Variants in TBX15 observed in about 807,000 individuals in gnomAD.
TBX15 encodes the protein T-box transcription factor 15.
Under a neutral mutation model 53.9 loss-of-function variants are expected in TBX15, and 18 were observed. The observed-to-expected ratio is 0.33, with a 90% CI of 0.23 to 0.49. TBX15 has a LOEUF of 0.49. Among genes scored for constraint, TBX15 ranks in the 20% least tolerant of loss-of-function variants. The probability of loss-of-function intolerance (pLI) is 0.98; values close to 1 mark genes in which losing one functional copy is unlikely to be tolerated. For missense variants in TBX15, 692 were observed against 749.5 expected, an observed-to-expected ratio of 0.92 and a Z score of 0.90; for synonymous variants, 295 against 278.0, an observed-to-expected ratio of 1.06 and a Z score of -0.61.
At chr1:118,926,359 A>T (rs1347571868) in intron 3 of TBX15, 151 bp downstream of exon 3, 1 of 744,378 alleles carries the variant, frequency 1.3e-6, no homozygotes, top group Non-Finnish European at 2.3e-6. Flanking sequence ...CACTTTTTCC[A>T]CCTGGTGCTC....
In TBX15 at chr1:118,923,428, C is replaced by A; in HGVS notation, c.861+8G>T. On this transcript the variant is annotated splice_region_variant and intron_variant, in intron 5 of 7. Transcript: ENST00000369429. ...TGTAGCAGAAGACTCTCAAGGGCCA[C>A]CTCTTACCTGCTGATTCTGATAGGC... 6.2e-7 allele frequency: 1 copy of A among 1,613,768 alleles called. No homozygotes were observed. The highest frequency in any genetic ancestry group is 8.5e-7 in the Non-Finnish European group (1 of 1,179,846).
intron 1 of TBX15, among the ~76,000 whole-genome samples, chr1:118,981,340 A>ACACACACACACACAC (rs60152755): frequency 6.7e-6 from 1 of 149,150 alleles, no homozygotes; most frequent in Non-Finnish European, 1.5e-5. Context: ...ACACACACAC[A>ACACACACACACACAC]ATGGCAGTTT....
intron 1 of TBX15, among the ~76,000 whole-genome samples, chr1:118,958,929 C>T (rs978321119): frequency 1.3e-5 from 2 of 151,694 alleles, no homozygotes; most frequent in South Asian, 2.1e-4. Flanking sequence ...GGTAGAAGAC[C>T]GTGCTTATTG....
chr1:118,951,396 C>T (rs538225274), intron 1 of TBX15, among the ~76,000 whole-genome samples: 1 of 152,274 alleles, frequency 6.6e-6, no homozygotes, highest in South Asian at 2.1e-4. Flanking sequence ...ATAGAGATAA[C>T]CTATGCCACC....
At chr1:118,984,059 T>C (rs897886771) in intron 1 of TBX15, among the ~76,000 whole-genome samples, 2 of 152,286 alleles carry the variant, frequency 1.3e-5, no homozygotes, top group Non-Finnish European at 2.9e-5. Context: ...TTAATTCATG[T>C]GACCACTTGA....
At chr1:118,962,766 G>A (rs796166482) in intron 1 of TBX15, among the ~76,000 whole-genome samples, 12 of 152,288 alleles carry the variant, frequency 7.9e-5, no homozygotes, top group African/African-American at 2.9e-4. Flanking sequence ...CCTTCAGTGG[G>A]AATCTAGAAA....
In TBX15 at chr1:118,981,712, A is replaced by G. The variant is rs556936161; in HGVS notation, c.205+5879T>C. Among the ~76,000 whole-genome samples, 7 of 152,282 alleles carry G rather than the reference A, an allele frequency of 4.6e-5. No homozygotes were observed. The South Asian group carries it at 1.4e-3, about 32-fold the overall frequency. ...TCCCATTTCACAGCGGGTCCTCCCT[A>G]CTAAATCATATTTTCCACCTCTGAC... On this transcript the variant is annotated intron_variant, in intron 1 of 7. Transcript: ENST00000369429.
chr1:118,927,980 G>A (rs762046997), intron 2 of TBX15, among the ~76,000 whole-genome samples: 13 of 152,180 alleles, frequency 8.5e-5, no homozygotes, highest in Non-Finnish European at 1.5e-4. Flanking sequence ...TGCTAATGAG[G>A]TCAAGGTCAC....
At chr1:118,952,378 C>A (rs1656543425) in intron 1 of TBX15, among the ~76,000 whole-genome samples, 1 of 152,012 alleles carries the variant, frequency 6.6e-6, no homozygotes. Flanking sequence ...ACAACCCTCA[C>A]ATTTTTCAAG....
intron 7 of TBX15, among the ~76,000 whole-genome samples, chr1:118,896,529 T>A (rs1020590874): frequency 2.0e-5 from 3 of 152,152 alleles, no homozygotes; most frequent in Non-Finnish European, 4.4e-5. Flanking sequence ...CTATGTGACA[T>A]GACAGATACT....
At chr1:118,896,501 C>T (rs188192101) in intron 7 of TBX15, among the ~76,000 whole-genome samples, 1 of 152,196 alleles carries the variant, frequency 6.6e-6, no homozygotes, top group East Asian at 1.9e-4. Context: ...AGTAGCAGCA[C>T]AAAACTGTCT....
At chr1:118,945,160 C>T (rs554629499) in intron 1 of TBX15, among the ~76,000 whole-genome samples, 4 of 152,138 alleles carry the variant, frequency 2.6e-5, no homozygotes, top group Admixed American at 6.6e-5. Context: ...TCCCTGAAAA[C>T]ATAGCCTGGG....
chr1:118,895,115 C>T (rs1475182460), intron 7 of TBX15, among the ~76,000 whole-genome samples: 1 of 152,134 alleles, frequency 6.6e-6, no homozygotes, highest in African/African-American at 2.4e-5. Context: ...GCTGATCCCT[C>T]TCACTAACCA....
At position 118,973,773 on chromosome 1, in the gene TBX15, T is replaced by TAC. The variant is rs138008763; in HGVS notation, c.205+13816_205+13817dup. Among the ~76,000 whole-genome samples the TAC allele has an allele frequency of 5.0e-4, 75 of 151,286 alleles. 1 individual carries two copies. The South Asian group carries it at 5.2e-3, about 11-fold the overall frequency. On this transcript the variant is annotated intron_variant, in intron 1 of 7. Coordinates refer to ENST00000369429, the MANE Select transcript of TBX15 (RefSeq NM_001330677.2). Reference sequence around the variant, plus strand: ...CGCCCCCAACACTCCCCTACACACATACACACACACACACGCACACACACT... The same window carrying TAC: ...CGCCCCCAACACTCCCCTACACACATACACACACACACACACGCACACACACT...
chr1:118,956,960 C>T (rs1026778178), intron 1 of TBX15, among the ~76,000 whole-genome samples: 1 of 57,476 alleles, frequency 1.7e-5, no homozygotes, highest in Non-Finnish European at 4.1e-5. Context: ...GAGACTCCAT[C>T]TCAAAAAAAA....
chr1:118,900,136 TAACTA>T (rs752485116), intron 6 of TBX15, among the ~76,000 whole-genome samples: 1 of 152,122 alleles, frequency 6.6e-6, no homozygotes, highest in Non-Finnish European at 1.5e-5. Flanking sequence ...CTGCTTCACT[TAACTA>T]AACAGAGAGA....
intron 1 of TBX15, among the ~76,000 whole-genome samples, chr1:118,973,484 T>C (rs1657306809): frequency 6.7e-6 from 1 of 150,238 alleles, no homozygotes; most frequent in African/African-American, 2.4e-5. Context: ...GAAAAGGCGC[T>C]GAATAAAAAC....
At chr1:118,977,694 GCA>G (rs888339221) in intron 1 of TBX15, among the ~76,000 whole-genome samples, 1 of 152,174 alleles carries the variant, frequency 6.6e-6, no homozygotes, top group African/African-American at 2.4e-5. Flanking sequence ...TGTATGCTGG[GCA>G]CAGTTTTGCA....
At chr1:118,946,263 T>A (rs1656345286) in intron 1 of TBX15, among the ~76,000 whole-genome samples, 2 of 152,120 alleles carry the variant, frequency 1.3e-5, no homozygotes, top group South Asian at 4.1e-4. Context: ...AAAGAAAAAA[T>A]TTATTATATA....
Sources: allele counts gnomAD v4.1 joint callset (sites outside exome capture counted in the v4.1 genomes callset), GRCh38; gene constraint gnomAD v4.1.1; transcripts MANE v1.5; gene names NCBI Gene and HGNC (gene_info 2026-07-23, HGNC 2026-07-21).